CENPE: variants seen among roughly 807,000 people sequenced by gnomAD.
CENPE encodes the protein centromere protein E.
In CENPE, 145 loss-of-function variants were observed where a neutral mutation model predicts 336.1. The ratio of observed to expected loss-of-function variants is 0.43; its 90% CI spans 0.38 to 0.50. The LOEUF (loss-of-function observed/expected upper bound fraction) is 0.50, where lower values mean the gene tolerates loss of function less well. Ranked by LOEUF, CENPE falls within the 20% of genes least tolerant of loss-of-function variation. CENPE has a pLI of 0.00. For synonymous variants in CENPE, 1,013 were observed against 984.8 expected, an observed-to-expected ratio of 1.03 and a Z score of -0.54; for missense variants, 2,719 against 3,023.3, an observed-to-expected ratio of 0.90 and a Z score of 2.36.
At chr4:103,156,717 A>C (rs1012126115) in intron 24 of CENPE, among the ~76,000 whole-genome samples, 1 of 152,120 alleles carries the variant, frequency 6.6e-6, no homozygotes, top group African/African-American at 2.4e-5. Flanking sequence ...ACAAGAGTAA[A>C]AATAAATAAA....
At position 103,140,353 on chromosome 4, in the gene CENPE, G is replaced by C; in HGVS notation, c.5816C>G (p.Thr1939Ser). 6.2e-7 allele frequency: 1 copy of C among 1,605,610 alleles called. No homozygotes were observed. Among genetic ancestry groups the C allele is most frequent in the South Asian group, 1.1e-5 (1 of 89,596 alleles). ...ARMLSKEHKE[T>S]VDKLREKISE... is the part of the protein sequence containing the mutation. ...AATTTTTTCTCTAAGTTTATCAACA[G>C]TTTCTTTGTGTTCTTTTGATAGCAT... Residue 1939 changes from threonine to serine, a missense_variant, in exon 37 of 49, where the codon ACT becomes AGT. Physicochemically the swap from Thr to Ser is moderately conservative, Grantham distance 58 (BLOSUM62 1). Transcript: ENST00000265148.
At position 103,149,314 on chromosome 4, in the gene CENPE, T is replaced by A; in HGVS notation, c.3491A>T (p.Lys1164Met). 6.2e-7 allele frequency: 1 copy of A among 1,611,818 alleles called. No individual in the cohort carries two copies. The highest frequency in any genetic ancestry group is 8.5e-7 in the Non-Finnish European group (1 of 1,179,402). ...CAATTCTTTGTTCTTTAATTCATTC[T>A]TTAAATTCTCTATTTCATTAATCTT... Reference protein sequence around the residue: ...QKKINEIENLKNELKNKELTL... With the variant: ...QKKINEIENLMNELKNKELTL... The change falls in exon 27 of 49, where the codon AAG becomes ATG. Residue 1164 changes from lysine (K) to methionine (M), a missense_variant. Physicochemically the swap from Lys to Met is moderately conservative, Grantham distance 95. Coordinates refer to ENST00000265148, the MANE Select transcript of CENPE (RefSeq NM_001813.3).
At chr4:103,163,445 G>A in intron 17 of CENPE, 34 bp downstream of exon 17, 3 of 1,427,724 alleles carry the variant, frequency 2.1e-6, no homozygotes, top group Non-Finnish European at 3.0e-6. Flanking sequence ...AGTTCTAATT[G>A]CTTATCAATA....
intron 44 of CENPE, among the ~76,000 whole-genome samples, chr4:103,119,408 A>T (rs1266882966): frequency 6.6e-6 from 1 of 152,170 alleles, no homozygotes; most frequent in Admixed American, 6.5e-5. Context: ...TTACAGTTGA[A>T]TTTTTTTAGT....
chr4:103,128,441 ACTT>A (rs1346985732), intron 42 of CENPE, among the ~76,000 whole-genome samples: 1 of 152,162 alleles, frequency 6.6e-6, no homozygotes, highest in Admixed American at 6.5e-5. Context: ...TCTATTGACT[ACTT>A]CATCCAACAA....
intron 8 of CENPE, among the ~76,000 whole-genome samples, chr4:103,190,128 C>T (rs1162738314): frequency 6.6e-6 from 1 of 152,012 alleles, no homozygotes; most frequent in Non-Finnish European, 1.5e-5. Context: ...AACCACTGCT[C>T]AAGGAAATAA....
At chr4:103,186,525 G>A (rs1199977289) in intron 8 of CENPE, among the ~76,000 whole-genome samples, 1 of 152,132 alleles carries the variant, frequency 6.6e-6, no homozygotes, top group Non-Finnish European at 1.5e-5. Context: ...CTTTACTGTG[G>A]CATCTTTAAG....
intron 45 of CENPE, among the ~76,000 whole-genome samples, chr4:103,115,059 G>C (rs1431483940): frequency 6.6e-6 from 1 of 152,020 alleles, no homozygotes; most frequent in African/African-American, 2.4e-5. Flanking sequence ...AATCAGTAAC[G>C]ATAAATTATA....
In CENPE at chr4:103,112,869, C is replaced by T. The variant is rs28502124; in HGVS notation, c.7540+1586G>A. Among the ~76,000 whole-genome samples, 25 of 24,600 alleles carry T rather than the reference C, an allele frequency of 1.0e-3. 7 individuals are homozygous for T. Among genetic ancestry groups the T allele is most frequent in the South Asian group, 2.3e-3 (2 of 866 alleles). 16.1% of individuals were successfully genotyped at this position (24,600 alleles called of 152,430 possible). ...ATATACTTATAAGTATATAAGTGTA[C>T]ATATATACTTATAAGTATATAAGTG... On this transcript the variant is annotated intron_variant, in intron 46 of 48. Transcript: ENST00000265148.
In CENPE at chr4:103,140,301, G is replaced by T; in HGVS notation, c.5868C>A (p.Asp1956Glu). ...KISEKTIQIS[D>E]IQKDLDKSKD... ...TTGATTTATCTAAATCCTTTTGAAT[G>T]TCTGAAATTTGAATTGTCTTTTCTG... Residue 1956 changes from aspartate to glutamate, a missense_variant, in exon 37 of 49, where the codon GAC becomes GAA. Asp to Glu is a conservative substitution (Grantham distance 45). Around this residue, in one of 5 missense-constraint regions of CENPE, gnomAD observed 2,437 missense variants for 2,513.3 expected, o/e 0.97. Transcript: ENST00000265148. 1 of 1,604,070 alleles carries T rather than the reference G, an allele frequency of 6.2e-7. No homozygotes were observed. Among genetic ancestry groups the T allele is most frequent in the African/African-American group, 1.3e-5 (1 of 74,596 alleles).
At chr4:103,173,630 T>TTTGCAAAATTTGCAGAAATATTTGCAA in intron 16 of CENPE, among the ~76,000 whole-genome samples, 1 of 151,440 alleles carries the variant, frequency 6.6e-6, no homozygotes, top group South Asian at 2.1e-4. Context: ...TTGCAAAATA[T>TTTGCAAAATTTGCAGAAATATTTGCAA]ACATCTGACA....
intron 8 of CENPE, among the ~76,000 whole-genome samples, chr4:103,190,488 A>G (rs1560681342): frequency 2.0e-5 from 3 of 152,242 alleles, no homozygotes; most frequent in Non-Finnish European, 2.9e-5. Context: ...AAATAATGCC[A>G]CATATCTACA....
rs547231405 is a variant in CENPE, at chr4:103,129,750, A to C, written c.6924+2943T>G. On this transcript the variant is annotated intron_variant, in intron 42 of 48. Coordinates refer to ENST00000265148, the MANE Select transcript of CENPE (RefSeq NM_001813.3). ...AAAAATAAAATAAAATAAAATAAAA[A>C]ACAAAGATGTAAAAAAAGATGTGAA... Among the ~76,000 whole-genome samples, 37 of 151,970 alleles carry C rather than the reference A, an allele frequency of 2.4e-4. No individual in the cohort carries two copies. In the South Asian group the frequency reaches 6.6e-3, roughly 27 times the overall value.
chr4:103,156,240 G>C (rs1348857437), intron 24 of CENPE, among the ~76,000 whole-genome samples: 2 of 152,052 alleles, frequency 1.3e-5, no homozygotes, highest in Non-Finnish European at 2.9e-5. Context: ...TCTATCCTAA[G>C]ATTAATATAG....
At chr4:103,196,963 G>T in intron 1 of CENPE, 113 bp from the exon 2 acceptor site, 2 of 662,114 alleles carry the variant, frequency 3.0e-6, no homozygotes, top group Non-Finnish European at 5.4e-6. Context: ...TAACATAAGA[G>T]AATGACAGAA....
Position 103,108,817 on chromosome 4 carries a change from A to G in CENPE, c.7997T>C (p.Leu2666Ser). ...TATTTACTTACCTGGACAAAGGCCT[A>G]AACTTGAGTTATCAAAATAGCGAAC... Reference protein sequence around the residue: ...HPVRYFDNSSLGLCPEVQNAG... With the variant: ...HPVRYFDNSSSGLCPEVQNAG... Residue 2666 changes from leucine to serine, a missense_variant, in exon 48 of 49, where the codon TTA (leucine) becomes TCA (serine). Around this residue, in one of 5 missense-constraint regions of CENPE, gnomAD observed 2,437 missense variants for 2,513.3 expected, o/e 0.97. Transcript: ENST00000265148. 6.2e-7 allele frequency: 1 copy of G among 1,613,628 alleles called. No homozygotes were observed. The highest frequency in any genetic ancestry group is 8.5e-7 in the Non-Finnish European group (1 of 1,179,710).
intron 4 of CENPE, 133 bp from the exon 5 acceptor site, chr4:103,195,366 C>A: frequency 1.7e-6 from 1 of 598,686 alleles, no homozygotes; most frequent in Non-Finnish European, 2.7e-6. Flanking sequence ...CTACTGTTGA[C>A]AAAATAATGA....
At chr4:103,112,546 GTA>G (rs936805520) in intron 46 of CENPE, among the ~76,000 whole-genome samples, 2 of 140,152 alleles carry the variant, frequency 1.4e-5, no homozygotes, top group South Asian at 4.5e-4. Flanking sequence ...ACACTTATAA[GTA>G]TATATGTGTA....
chr4:103,181,294 A>C, intron 12 of CENPE, 43 bp downstream of exon 12: 1 of 1,389,548 alleles, frequency 7.2e-7, no homozygotes, highest in Admixed American at 2.6e-5. Flanking sequence ...CTCCATTCTA[A>C]ATTGGTTCTT....
Sources: allele counts gnomAD v4.1 joint callset (sites outside exome capture counted in the v4.1 genomes callset), GRCh38; gene constraint gnomAD v4.1.1; regional missense constraint gnomAD v4.1.1; transcripts MANE v1.5; gene names NCBI Gene and HGNC (gene_info 2026-07-23, HGNC 2026-07-21).